Variants in IMMP2L observed in about 807,000 individuals in gnomAD.
IMMP2L encodes the protein inner mitochondrial membrane peptidase subunit 2, also known as mitochondrial inner membrane protease subunit 2.
IMMP2L carries 18 observed loss-of-function variants against 19.3 expected under a neutral mutation model. The ratio of observed to expected loss-of-function variants is 0.93; its 90% confidence interval spans 0.64 to 1.38. The LOEUF is 1.38. IMMP2L is among the 40% of genes most tolerant of loss of function. The pLI is 0.00. For missense variants in IMMP2L, 233 were observed against 218.2 expected (o/e 1.07, Z -0.43); for synonymous variants, 76 against 73.0 (o/e 1.04, Z -0.21).
chr7:111,211,429 T>C (rs1352025618), intron 3 of IMMP2L, among the ~76,000 whole-genome samples: 2 of 152,044 alleles, frequency 1.3e-5, no homozygotes, highest in Non-Finnish European at 2.9e-5. Flanking sequence ...CATGCCGCAA[T>C]TCAATGGGAG....
chr7:111,255,606 G>A (rs1182493940), intron 3 of IMMP2L, among the ~76,000 whole-genome samples: 1 of 151,946 alleles, frequency 6.6e-6, no homozygotes, highest in African/African-American at 2.4e-5. Flanking sequence ...ATAAAATCCT[G>A]TAAGTTACAC....
chr7:111,325,047 TTA>T (rs1825165597), intron 3 of IMMP2L, among the ~76,000 whole-genome samples: 1 of 151,838 alleles, frequency 6.6e-6, no homozygotes, highest in African/African-American at 2.4e-5. Context: ...TTCTCTGAAT[TTA>T]TGAGATTTGC....
At chr7:110,792,255 G>T (rs909707457) in intron 5 of IMMP2L, among the ~76,000 whole-genome samples, 7 of 151,538 alleles carry the variant, frequency 4.6e-5, no homozygotes, top group Non-Finnish European at 1.0e-4. Context: ...CATGAAAAGG[G>T]ATTATACATA....
chr7:111,283,839 C>T (rs1355746966), intron 3 of IMMP2L, among the ~76,000 whole-genome samples: 3 of 150,050 alleles, frequency 2.0e-5, no homozygotes, highest in Non-Finnish European at 3.0e-5. Context: ...GGCGTAGTGG[C>T]GGGCGCCTGT....
chr7:111,097,650 T>TTAA (rs1342932999), intron 3 of IMMP2L, among the ~76,000 whole-genome samples: 1 of 151,968 alleles, frequency 6.6e-6, no homozygotes, highest in African/African-American at 2.4e-5. Flanking sequence ...TGTTTTTATG[T>TTAA]CATTAGACTG....
chr7:111,408,299 C>T (rs919124653), intron 3 of IMMP2L, among the ~76,000 whole-genome samples: 6 of 151,658 alleles, frequency 4.0e-5, no homozygotes, highest in African/African-American at 1.5e-4. Context: ...TATAAGACAG[C>T]TTGGCCAGTA....
intron 3 of IMMP2L, among the ~76,000 whole-genome samples, chr7:111,313,917 T>C (rs1247105338): frequency 6.6e-6 from 1 of 152,108 alleles, no homozygotes; most frequent in Admixed American, 6.6e-5. Flanking sequence ...GGCTTGGTGC[T>C]GTCTTTGTGA....
At chr7:111,428,116 T>C (rs1191985264) in intron 3 of IMMP2L, among the ~76,000 whole-genome samples, 1 of 151,880 alleles carries the variant, frequency 6.6e-6, no homozygotes, top group Non-Finnish European at 1.5e-5. Flanking sequence ...TGAATCTTTA[T>C]GTTCCTTTTT....
chr7:111,522,384 G>C (rs985237846), intron 1 of IMMP2L, among the ~76,000 whole-genome samples: 25 of 152,016 alleles, frequency 1.6e-4, no homozygotes, highest in African/African-American at 5.8e-4. Context: ...CTACAGAATG[G>C]AAGAAAATAT....
At chr7:111,163,054 A>C (rs1437932474) in intron 3 of IMMP2L, among the ~76,000 whole-genome samples, 2 of 152,026 alleles carry the variant, frequency 1.3e-5, no homozygotes, top group African/African-American at 4.8e-5. Flanking sequence ...GCTTGCAATT[A>C]TAAATGCTTT....
intron 3 of IMMP2L, among the ~76,000 whole-genome samples, chr7:111,192,400 T>C (rs1808985093): frequency 6.6e-6 from 1 of 152,164 alleles, no homozygotes; most frequent in South Asian, 2.1e-4. Context: ...TATTTTTATT[T>C]CCTGCTATTC....
At chr7:111,263,169 A>G (rs1345765325) in intron 3 of IMMP2L, among the ~76,000 whole-genome samples, 1 of 152,096 alleles carries the variant, frequency 6.6e-6, no homozygotes, top group African/African-American at 2.4e-5. Flanking sequence ...GGTAATTGTT[A>G]CTGGTATCTT....
chr7:110,935,688 GA>G (rs1427717545), intron 4 of IMMP2L, among the ~76,000 whole-genome samples: 3 of 151,938 alleles, frequency 2.0e-5, no homozygotes, highest in African/African-American at 4.8e-5. Context: ...CACAGAATTA[GA>G]AAAAAATGAC....
Position 110,667,754 on chromosome 7 carries a change from T to G in IMMP2L, c.409-4033A>C, listed in dbSNP as rs117624104. 3.5e-3 allele frequency among the ~76,000 whole-genome samples: 531 copies of G among 152,308 alleles called. 1 individual carries two copies. The highest frequency in any genetic ancestry group is 8.7e-3 in the East Asian group (45 of 5,178). On this transcript the variant is annotated intron_variant, in intron 5 of 5. Transcript: ENST00000405709. ...CCCAGTGAGACCCATATTGGACTTTTGACATCCAGAACTGTAAAATAGTAT... is the reference window on the plus strand; with the variant it reads ...CCCAGTGAGACCCATATTGGACTTTGGACATCCAGAACTGTAAAATAGTAT...
intron 2 of IMMP2L, among the ~76,000 whole-genome samples, chr7:111,501,120 G>A (rs1844199436): frequency 6.6e-6 from 1 of 152,262 alleles, no homozygotes; most frequent in South Asian, 2.1e-4. Context: ...ATGCAGAGAA[G>A]TCCTTAAAGG....
chr7:110,825,712 T>C (rs1803422966), intron 5 of IMMP2L, among the ~76,000 whole-genome samples: 1 of 152,124 alleles, frequency 6.6e-6, no homozygotes, highest in Non-Finnish European at 1.5e-5. Context: ...ACTTAAATGT[T>C]AGACCTAAAA....
chr7:111,162,000 T>C (rs1176471395), intron 3 of IMMP2L, among the ~76,000 whole-genome samples: 1 of 152,086 alleles, frequency 6.6e-6, no homozygotes, highest in East Asian at 1.9e-4. Context: ...TATGTGTGAG[T>C]TACCACTTGT....
At chr7:111,348,238 G>A (rs1827774101) in intron 3 of IMMP2L, among the ~76,000 whole-genome samples, 3 of 151,850 alleles carry the variant, frequency 2.0e-5, no homozygotes, top group East Asian at 1.9e-4. Flanking sequence ...GTATACATAC[G>A]TAACAAACCT....
intron 4 of IMMP2L, among the ~76,000 whole-genome samples, chr7:110,894,686 C>G (rs901813128): frequency 6.6e-6 from 1 of 152,056 alleles, no homozygotes; most frequent in Non-Finnish European, 1.5e-5. Context: ...TTTTTTTCTA[C>G]AAAGAATATA....
Sources: gnomAD v4.1 joint callset for allele counts (sites outside exome capture counted in the v4.1 genomes callset) on GRCh38, gnomAD v4.1.1 for gene constraint, MANE v1.5 for transcripts, NCBI Gene and HGNC (gene_info 2026-07-23, HGNC 2026-07-21) for gene names.